NXPH1: variants seen among roughly 807,000 people sequenced by gnomAD.
NXPH1 encodes the protein neurexophilin 1, also known as neurexophilin-1.
A neutral mutation model predicts 23.7 loss-of-function variants in NXPH1; 5 were observed. The ratio of observed to expected loss-of-function variants is 0.21; its 90% CI spans 0.11 to 0.44. NXPH1 has a LOEUF of 0.44. Ranked by LOEUF, NXPH1 falls within the 20% of genes least tolerant of loss-of-function variation. The pLI is 0.99. For missense variants in NXPH1, 324 were observed against 321.6 expected, an observed-to-expected ratio of 1.01 and a Z score of -0.06; for synonymous variants, 144 against 122.2, an observed-to-expected ratio of 1.18 and a Z score of -1.18.
At chr7:8,711,017 T>C (rs543355461) in intron 2 of NXPH1, among the ~76,000 whole-genome samples, 29 of 152,350 alleles carry the variant, frequency 1.9e-4, no homozygotes, top group African/African-American at 6.7e-4. Context: ...TAGATTTTAT[T>C]TCCTACATCT....
At chr7:8,503,305 G>A (rs567751101) in intron 2 of NXPH1, among the ~76,000 whole-genome samples, 1 of 152,102 alleles carries the variant, frequency 6.6e-6, no homozygotes, top group African/African-American at 2.4e-5. Flanking sequence ...GGAGTAATAA[G>A]GAGCAGAGCT....
At chr7:8,546,704 C>A (rs1473047991) in intron 2 of NXPH1, among the ~76,000 whole-genome samples, 1 of 151,370 alleles carries the variant, frequency 6.6e-6, no homozygotes, top group Non-Finnish European at 1.5e-5. Flanking sequence ...CATTCATCTC[C>A]CAGTGACCCC....
chr7:8,668,277 TG>T (rs1472849259), intron 2 of NXPH1, among the ~76,000 whole-genome samples: 24,455 of 133,058 alleles, frequency 0.18, 2,137 homozygotes, highest in Middle Eastern at 0.31. Context: ...TTTATTTTGT[TG>T]TTGTTGTTGT....
At chr7:8,438,185 C>G (rs1816229145) in intron 2 of NXPH1, among the ~76,000 whole-genome samples, 1 of 152,284 alleles carries the variant, frequency 6.6e-6, no homozygotes, top group Non-Finnish European at 1.5e-5. Context: ...AAGTAGAGAG[C>G]CTTGATTAAA....
chr7:8,579,371 T>G (rs539246006), intron 2 of NXPH1, among the ~76,000 whole-genome samples: 29 of 124,908 alleles, frequency 2.3e-4, no homozygotes, highest in East Asian at 1.4e-3. Flanking sequence ...TTGTTTTTTT[T>G]TTTTGTTTTG....
intron 2 of NXPH1, among the ~76,000 whole-genome samples, chr7:8,565,908 A>G (rs1818537322): frequency 6.6e-6 from 1 of 151,804 alleles, no homozygotes; most frequent in Admixed American, 6.6e-5. Flanking sequence ...TTCTCCCACA[A>G]ACCTCACTGT....
At chr7:8,632,800 G>A (rs1017121091) in intron 2 of NXPH1, among the ~76,000 whole-genome samples, 1 of 152,176 alleles carries the variant, frequency 6.6e-6, no homozygotes, top group Non-Finnish European at 1.5e-5. Flanking sequence ...ATTGTAGTTT[G>A]TTAGAAGATT....
intron 2 of NXPH1, among the ~76,000 whole-genome samples, chr7:8,611,128 C>T (rs763478892): frequency 1.3e-5 from 2 of 152,054 alleles, no homozygotes; most frequent in Non-Finnish European, 2.9e-5. Context: ...CATCATTGTA[C>T]ATATTTATGT....
intron 2 of NXPH1, among the ~76,000 whole-genome samples, chr7:8,573,833 C>T (rs1267582358): frequency 1.3e-5 from 2 of 152,094 alleles, no homozygotes; most frequent in Non-Finnish European, 2.9e-5. Flanking sequence ...CCATTGGCTC[C>T]TGATGTTTAA....
chr7:8,660,809 T>A (rs1820658312), intron 2 of NXPH1, among the ~76,000 whole-genome samples: 1 of 152,208 alleles, frequency 6.6e-6, no homozygotes, highest in African/African-American at 2.4e-5. Context: ...AAGTTTAAGG[T>A]TACTCTAGAA....
At chr7:8,502,251 C>G (rs566397525) in intron 2 of NXPH1, among the ~76,000 whole-genome samples, 195 of 151,998 alleles carry the variant, frequency 1.3e-3, no homozygotes, top group Non-Finnish European at 1.1e-3. Context: ...TTTTATTGTA[C>G]TAAGATGTGT....
chr7:8,717,883 T>C (rs1233814916), intron 2 of NXPH1, among the ~76,000 whole-genome samples: 2 of 103,622 alleles, frequency 1.9e-5, no homozygotes, highest in Admixed American at 1.1e-4. Context: ...GGTGTATTCT[T>C]CTCTCTGTGT....
chr7:8,735,841 A>G (rs531494299), intron 2 of NXPH1, among the ~76,000 whole-genome samples: 4 of 152,134 alleles, frequency 2.6e-5, no homozygotes, highest in Admixed American at 6.5e-5. Context: ...CAGGGATTCA[A>G]TTTCTTCTTT....
intron 2 of NXPH1, among the ~76,000 whole-genome samples, chr7:8,494,479 C>T (rs754590502): frequency 7.9e-5 from 12 of 151,930 alleles, no homozygotes; most frequent in South Asian, 2.1e-4. Flanking sequence ...TGTGAAGTGA[C>T]GCTGATCATG....
intron 2 of NXPH1, among the ~76,000 whole-genome samples, chr7:8,605,681 A>G (rs1819471377): frequency 6.6e-6 from 1 of 152,114 alleles, no homozygotes; most frequent in Admixed American, 6.6e-5. Context: ...TTTTGCCTAC[A>G]AAAGAGTTGC....
rs1388745115 is a variant in NXPH1 at position 8,547,337 on chromosome 7, G to A, written c.54+111570G>A. The stretch of plus-strand genomic sequence containing the variant: ...ATATGTGTTGTCCTTCTCTTAAAGG[G>A]TTCCAGATAAGTAAGGGGCCCTGAA... On this transcript the variant is annotated intron_variant, in intron 2 of 2. Transcript: ENST00000405863. 2.0e-5 allele frequency among the ~76,000 whole-genome samples: 3 copies of A among 151,382 alleles called. No individual in the cohort carries two copies. In the East Asian group the frequency reaches 5.9e-4, roughly 30 times the overall value.
chr7:8,510,337 ATTATT>A (rs1304842349), intron 2 of NXPH1, among the ~76,000 whole-genome samples: 1 of 152,162 alleles, frequency 6.6e-6, no homozygotes, highest in Non-Finnish European at 1.5e-5. Flanking sequence ...TTTCACAAAC[ATTATT>A]TTATATAATT....
chr7:8,690,673 G>A (rs1416487308), intron 2 of NXPH1, among the ~76,000 whole-genome samples: 1 of 152,182 alleles, frequency 6.6e-6, no homozygotes, highest in Non-Finnish European at 1.5e-5. Flanking sequence ...AAACTCTATG[G>A]AAATTGTAGT....
At chr7:8,447,713 C>T (rs974030618) in intron 2 of NXPH1, among the ~76,000 whole-genome samples, 2 of 152,206 alleles carry the variant, frequency 1.3e-5, no homozygotes, top group Non-Finnish European at 2.9e-5. Flanking sequence ...TTAATCCTGC[C>T]TTGCATTCTT....
Sources: allele counts gnomAD v4.1 joint callset (sites outside exome capture counted in the v4.1 genomes callset), GRCh38; gene constraint gnomAD v4.1.1; transcripts MANE v1.5; gene names NCBI Gene and HGNC (gene_info 2026-07-23, HGNC 2026-07-21).